PPIG: variants seen among roughly 807,000 people sequenced by gnomAD.
The protein encoded by PPIG is peptidylprolyl isomerase G, also known as peptidyl-prolyl cis-trans isomerase G.
PPIG carries 26 observed loss-of-function variants against 87.9 expected under a neutral mutation model. That is an observed-to-expected ratio of 0.30 (90% CI 0.22 to 0.41). The LOEUF (loss-of-function observed/expected upper bound fraction) is 0.41, where lower values mean the gene tolerates loss of function less well. Among genes scored for constraint, PPIG ranks in the 10% least tolerant of loss-of-function variants. The pLI, the probability that PPIG is intolerant of heterozygous loss-of-function variation, is 1.00. For missense variants in PPIG, 722 were observed against 879.4 expected, an observed-to-expected ratio of 0.82 and a Z score of 2.26; for synonymous variants, 308 against 276.5, an observed-to-expected ratio of 1.11 and a Z score of -1.13.
At chr2:169,600,102 G>T (rs1430688544) in intron 1 of PPIG, among the ~76,000 whole-genome samples, 2 of 150,836 alleles carry the variant, frequency 1.3e-5, no homozygotes, top group South Asian at 2.1e-4. Context: ...TTTGAAACGG[G>T]GTCTCACTGT....
intron 1 of PPIG, among the ~76,000 whole-genome samples, chr2:169,602,609 G>C (rs1685216178): frequency 1.3e-5 from 2 of 152,150 alleles, no homozygotes; most frequent in South Asian, 2.1e-4. Flanking sequence ...ACCGCACCCG[G>C]CCCAAAATTA....
intron 1 of PPIG, 172 bp downstream of exon 1, chr2:169,584,662 G>A: frequency 2.6e-6 from 1 of 378,858 alleles, no homozygotes; most frequent in South Asian, 1.9e-5. Flanking sequence ...AGTCCCTGAG[G>A]ACCGCAGCAG....
In PPIG at chr2:169,632,173, A is replaced by G. The variant is rs1288914536; in HGVS notation, c.929+240A>G. 2.6e-5 allele frequency among the ~76,000 whole-genome samples: 4 copies of G among 152,332 alleles called. No homozygotes were observed. In the East Asian group the frequency reaches 7.7e-4, roughly 29 times the overall value. On this transcript the variant is annotated intron_variant, in intron 11 of 13. Transcript: ENST00000260970. ...CATAATAAACACTAATACAAAAAAG[A>G]GATGTTAAGCAGCATTCCAAGCCAA...
chr2:169,622,653 A>G (rs1042930197), intron 9 of PPIG, among the ~76,000 whole-genome samples: 1 of 152,200 alleles, frequency 6.6e-6, no homozygotes, highest in Non-Finnish European at 1.5e-5. Context: ...CAGACTTCCA[A>G]TGGCTACTCT....
In PPIG at chr2:169,639,840, CTTTGAACATT is replaced by C. The variant is rs1440751503; in HGVS notation, c.*2318_*2327del. 1.3e-5 allele frequency: 2 copies of C among 152,002 alleles called. No individual in the cohort carries two copies. The highest frequency in any genetic ancestry group is 1.3e-4 in the Admixed American group (2 of 15,246). 9.4% of individuals were successfully genotyped at this position (152,002 alleles called of 1,614,324 possible). On this transcript the variant is annotated 3_prime_UTR_variant, in exon 14 of 14. Coordinates refer to ENST00000260970, the MANE Select transcript of PPIG (RefSeq NM_004792.3). ...GTAGTTGTGCCATCTTTAGTTTTTG[CTTTGAACATT>C]GTTTTCCTAAAAGTCAACTATTACT... is the stretch of plus-strand genomic sequence containing the variant.
chr2:169,639,301 T>G lies in PPIG; in HGVS notation c.*1778T>G, dbSNP rs1022818229. On this transcript the variant is annotated 3_prime_UTR_variant, in exon 14 of 14. Transcript: ENST00000260970. ...CCAAGCTATATAACGTTATGTAGTT[T>G]AAGCAAGTTATTGTTTGTCTTAATT... is the stretch of plus-strand genomic sequence containing the variant. 6.6e-6 allele frequency: 1 copy of G among 152,106 alleles called. No homozygotes were observed. The highest frequency in any genetic ancestry group is 2.4e-5 in the African/African-American group (1 of 41,452). The allele number at this position is 152,106 out of a possible 1,614,324, so 9.4% of individuals were successfully genotyped here. A position where few individuals can be genotyped will look rare whatever the true frequency, so the allele number is the denominator to read the frequency against.
intron 7 of PPIG, among the ~76,000 whole-genome samples, chr2:169,610,260 C>T (rs775558134): frequency 3.9e-5 from 6 of 152,162 alleles, no homozygotes; most frequent in Non-Finnish European, 7.4e-5. Context: ...GAACAGTTGC[C>T]ATCCCATACT....
intron 9 of PPIG, among the ~76,000 whole-genome samples, chr2:169,628,738 G>A (rs1295219990): frequency 1.3e-5 from 2 of 151,928 alleles, no homozygotes; most frequent in Non-Finnish European, 2.9e-5. Flanking sequence ...CCAGGAGTTC[G>A]AGACTAGCCT....
intron 9 of PPIG, among the ~76,000 whole-genome samples, chr2:169,624,932 C>T (rs189492236): frequency 1.8e-4 from 28 of 152,056 alleles, no homozygotes; most frequent in South Asian, 6.2e-4. Context: ...CAACTGTTGC[C>T]GTATTCGGAA....
chr2:169,591,595 T>G (rs1296303299), intron 1 of PPIG, among the ~76,000 whole-genome samples: 1 of 152,126 alleles, frequency 6.6e-6, no homozygotes, highest in Non-Finnish European at 1.5e-5. Context: ...ATTCAGTATA[T>G]TATACTTAAA....
At chr2:169,618,898 G>A (rs11899699) in intron 9 of PPIG, among the ~76,000 whole-genome samples, 90,060 of 150,806 alleles carry the variant, frequency 0.6, 27,465 homozygotes, top group African/African-American at 0.73. Flanking sequence ...GGTATTTCTC[G>A]TCTTCTGCTA....
At chr2:169,606,232 T>C (rs1685320602) in intron 5 of PPIG, 86 bp downstream of exon 5, 1 of 943,202 alleles carries the variant, frequency 1.1e-6, no homozygotes, top group Non-Finnish European at 1.7e-6. Context: ...TTTAGTCCAA[T>C]ATTCTTGTCA....
chr2:169,592,681 C>A (rs1189874324), intron 1 of PPIG, among the ~76,000 whole-genome samples: 1 of 151,816 alleles, frequency 6.6e-6, no homozygotes, highest in African/African-American at 2.4e-5. Flanking sequence ...CTCAAGTGAT[C>A]CTCCTCCCTT....
chr2:169,625,322 T>G (rs145926612), intron 9 of PPIG, among the ~76,000 whole-genome samples: 208 of 152,358 alleles, frequency 1.4e-3, no homozygotes, highest in African/African-American at 4.8e-3. Context: ...TTCTCACATT[T>G]TGTACATTAT....
At position 169,637,066 on chromosome 2, in the gene PPIG, G is replaced by A. The variant is rs1686198865; in HGVS notation, c.1808G>A (p.Arg603Gln). 4.3e-6 allele frequency: 7 copies of A among 1,613,330 alleles called. No individual in the cohort carries two copies. Among genetic ancestry groups the A allele is most frequent in the South Asian group, 2.2e-5 (2 of 91,010 alleles). ...YREQEYRRRG[R>Q]SRSRERRTPP... ...GAACAGGAATACAGGAGAAGAGGAC[G>A]GTCACGAAGCCGAGAGAGAAGAACA... is the stretch of plus-strand genomic sequence containing the variant. The change falls in exon 14 of 14, where the codon CGG becomes CAG. Residue 603 changes from arginine to glutamine, a missense_variant. Physicochemically the swap from Arg to Gln is conservative, Grantham distance 43. Around this residue, in one of 4 missense-constraint regions of PPIG, gnomAD observed 476 missense variants for 483.1 expected, o/e 0.99. Transcript: ENST00000260970.
intron 12 of PPIG, among the ~76,000 whole-genome samples, chr2:169,635,666 A>G (rs947830650): frequency 6.6e-6 from 1 of 152,212 alleles, no homozygotes; most frequent in Non-Finnish European, 1.5e-5. Context: ...AATATGAGAA[A>G]TATTTGCTTT....
chr2:169,626,653 G>A (rs1248969660), intron 9 of PPIG, among the ~76,000 whole-genome samples: 1 of 151,996 alleles, frequency 6.6e-6, no homozygotes, highest in East Asian at 1.9e-4. Context: ...GCCTTCCAAA[G>A]TGCTGGGATT....
chr2:169,607,267 C>A, intron 6 of PPIG, 119 bp downstream of exon 6: 3 of 588,548 alleles, frequency 5.1e-6, no homozygotes, highest in Non-Finnish European at 5.6e-6. Flanking sequence ...CTGCCTTCAA[C>A]TAATCTGAAG....
intron 9 of PPIG, among the ~76,000 whole-genome samples, chr2:169,622,207 G>A (rs1442367636): frequency 6.6e-6 from 1 of 152,174 alleles, no homozygotes; most frequent in Non-Finnish European, 1.5e-5. Context: ...GATCACTTGA[G>A]GTCAGGAGGT....
Sources: gnomAD v4.1 joint callset for allele counts (sites outside exome capture counted in the v4.1 genomes callset) on GRCh38, gnomAD v4.1.1 for gene constraint, gnomAD v4.1.1 regional missense constraint, MANE v1.5 for transcripts, NCBI Gene and HGNC (gene_info 2026-07-23, HGNC 2026-07-21) for gene names.